Variants in RANBP2 observed in about 807,000 individuals in gnomAD.
RANBP2 encodes the protein RAN binding protein 2.
RANBP2 carries 57 observed loss-of-function variants against 303.6 expected under a neutral mutation model. The ratio of observed to expected loss-of-function variants is 0.19; its 90% CI spans 0.15 to 0.23. The LOEUF (loss-of-function observed/expected upper bound fraction) is 0.23, where lower values mean the gene tolerates loss of function less well. Among genes scored for constraint, RANBP2 ranks in the 10% least tolerant of loss-of-function variants. The pLI is 1.00. For missense variants in RANBP2, 3,138 were observed against 3,780.8 expected, an observed-to-expected ratio of 0.83 and a Z score of 4.46; for synonymous variants, 1,167 against 1,301.5, an observed-to-expected ratio of 0.90 and a Z score of 2.23.
At chr2:109,579,076 T>C in the RANBP2 span, among the ~76,000 whole-genome samples, 1 of 152,140 alleles carries the variant, frequency 6.6e-6, no homozygotes, top group South Asian at 2.1e-4. Flanking sequence ...CACAAACAAC[T>C]ATTATCAGGA....
the RANBP2 span, among the ~76,000 whole-genome samples, chr2:109,012,487 C>T: frequency 2.1e-5 from 3 of 142,956 alleles, no homozygotes; most frequent in Non-Finnish European, 3.1e-5. Context: ...GAAGGAACGG[C>T]GGAGAGGGTC....
At chr2:109,129,214 G>A in the RANBP2 span, 1 of 527,420 alleles carries the variant, frequency 1.9e-6, no homozygotes, top group Non-Finnish European at 3.5e-6. Flanking sequence ...CACAGAACCC[G>A]TTGAGCTTCG....
At chr2:108,987,373 C>T in the RANBP2 span, among the ~76,000 whole-genome samples, 6 of 152,198 alleles carry the variant, frequency 3.9e-5, no homozygotes, top group African/African-American at 7.2e-5. Context: ...TGGGGTAAGA[C>T]CAGGTCTGTC....
At chr2:108,810,447 T>C in the RANBP2 span, among the ~76,000 whole-genome samples, 2 of 152,262 alleles carry the variant, frequency 1.3e-5, no homozygotes, top group Non-Finnish European at 2.9e-5. Context: ...TTCATTCTGT[T>C]AAAACGTGAT....
intron 7 of RANBP2, among the ~76,000 whole-genome samples, chr2:108,744,390 A>G (rs1696347201): frequency 6.7e-6 from 1 of 148,358 alleles, no homozygotes; most frequent in South Asian, 2.1e-4. Flanking sequence ...CTGGCGACAG[A>G]GCGAGACTCC....
the RANBP2 span, among the ~76,000 whole-genome samples, chr2:109,062,345 T>C: frequency 6.6e-6 from 1 of 151,866 alleles, no homozygotes; most frequent in South Asian, 2.1e-4. Context: ...ACAGAGGGAG[T>C]AAGGCTGGAA....
chr2:109,430,364 TTCCACGGA>T, the RANBP2 span, among the ~76,000 whole-genome samples: 2 of 152,224 alleles, frequency 1.3e-5, no homozygotes, highest in Non-Finnish European at 2.9e-5. Flanking sequence ...TTCACAAGCC[TTCCACGGA>T]TCCAAGTCCT....
chr2:109,667,084 T>C, the RANBP2 span: 2 of 802,300 alleles, frequency 2.5e-6, no homozygotes, highest in African/African-American at 1.8e-5. Flanking sequence ...CAAATACACA[T>C]AGATCATAAT....
chr2:109,767,360 C>T, the RANBP2 span, among the ~76,000 whole-genome samples: 1 of 147,942 alleles, frequency 6.8e-6, no homozygotes, highest in Non-Finnish European at 1.5e-5. Flanking sequence ...CAAATATGCT[C>T]TTACTTACGG....
the RANBP2 span, among the ~76,000 whole-genome samples, chr2:109,330,578 A>ATGGG: frequency 1.3e-5 from 2 of 152,108 alleles, no homozygotes; most frequent in African/African-American, 2.4e-5. Context: ...CACTGTTTGC[A>ATGGG]TGGGTGGATG....
At chr2:108,962,696 A>AG in the RANBP2 span, among the ~76,000 whole-genome samples, 7 of 148,310 alleles carry the variant, frequency 4.7e-5, no homozygotes, top group East Asian at 1.9e-4. Flanking sequence ...AAAAAAAAAA[A>AG]AAAAAGAGAG....
the RANBP2 span, among the ~76,000 whole-genome samples, chr2:109,494,576 G>A: frequency 9.3e-3 from 1,422 of 152,320 alleles, 27 homozygotes; most frequent in African/African-American, 0.033. Context: ...TGGAGGAGGA[G>A]CTGCTGGGCT....
At chr2:108,811,164 C>T in the RANBP2 span, among the ~76,000 whole-genome samples, 1 of 150,190 alleles carries the variant, frequency 6.7e-6, no homozygotes, top group Non-Finnish European at 1.5e-5. Flanking sequence ...CCCTACCCCC[C>T]TAACCCTGCC....
chr2:108,768,651 G>A (rs1253974502), intron 20 of RANBP2, among the ~76,000 whole-genome samples: 1 of 152,094 alleles, frequency 6.6e-6, no homozygotes, highest in East Asian at 1.9e-4. Context: ...TACGGTATAC[G>A]GACTCATGCT....
At chr2:109,334,341 GTT>G in the RANBP2 span, among the ~76,000 whole-genome samples, 104 of 128,320 alleles carry the variant, frequency 8.1e-4, no homozygotes, top group African/African-American at 2.6e-3. Flanking sequence ...TTGGGTGACA[GTT>G]TTTTTTTTTT....
the RANBP2 span, among the ~76,000 whole-genome samples, chr2:109,200,168 T>G: frequency 1.8e-4 from 28 of 152,228 alleles, no homozygotes; most frequent in Non-Finnish European, 3.5e-4. Flanking sequence ...GTATGGAATA[T>G]TTCTAGTTTA....
the RANBP2 span, among the ~76,000 whole-genome samples, chr2:108,969,398 A>G: frequency 6.6e-6 from 1 of 152,096 alleles, no homozygotes; most frequent in Non-Finnish European, 1.5e-5. Flanking sequence ...CTCCGGTGAG[A>G]GGAGAACGAT....
chr2:109,628,906 T>C, the RANBP2 span, among the ~76,000 whole-genome samples: 1 of 152,078 alleles, frequency 6.6e-6, no homozygotes. Context: ...TGGCAGTCAT[T>C]TAAAATGTCT....
the RANBP2 span, among the ~76,000 whole-genome samples, chr2:109,384,760 T>G: frequency 1.3e-5 from 2 of 152,086 alleles, no homozygotes; most frequent in East Asian, 3.9e-4. Context: ...AGACTAAAAG[T>G]TTCGAGCTCT....
Sources: gnomAD v4.1 joint callset for allele counts (sites outside exome capture counted in the v4.1 genomes callset) on GRCh38, gnomAD v4.1.1 for gene constraint, MANE v1.5 for transcripts, NCBI Gene and HGNC (gene_info 2026-07-23, HGNC 2026-07-21) for gene names.